The following PCDH15 variants were observed in gnomAD, a reference collection of about 807,000 sequenced individuals.
PCDH15 encodes protocadherin related 15.
PCDH15 carries 129 observed loss-of-function variants against 178.5 expected under a neutral mutation model. The observed-to-expected ratio is 0.72, with a 90% CI of 0.63 to 0.84. The LOEUF is 0.84. Among genes scored for constraint, PCDH15 ranks in the 40% least tolerant of loss-of-function variants. PCDH15 has a pLI of 0.00. For missense variants in PCDH15, 2,230 were observed against 2,099.9 expected (o/e 1.06, Z -1.21); for synonymous variants, 800 against 732.0 (o/e 1.09, Z -1.50).
In PCDH15 at chr10:53,840,486, G is replaced by T. The variant is rs111033363; in HGVS notation, c.3817C>A (p.Arg1273Ser). 7.3e-4 allele frequency: 1,184 copies of T among 1,613,560 alleles called. 1 individual carries two copies. Among genetic ancestry groups the T allele is most frequent in the Non-Finnish European group, 8.6e-4 (1,017 of 1,179,574 alleles). The change falls in exon 29 of 38, where the codon CGC (arginine) becomes AGC (serine). Residue 1273 changes from arginine to serine, a missense_variant. By Grantham distance (110) the Arg-to-Ser change is moderately radical. Coordinates refer to ENST00000644397, the MANE Select transcript of PCDH15 (RefSeq NM_001384140.1). ...CCAGGAATTTGTTCCTGAACATAGCGATCCAAGATCCTATAAATCAAACAA... is the reference window on the plus strand; with the variant it reads ...CCAGGAATTTGTTCCTGAACATAGCTATCCAAGATCCTATAAATCAAACAA... ...KIEDLTEILDRYVQEQIPGAK... is the reference protein window; with the variant it reads ...KIEDLTEILDSYVQEQIPGAK...
chr10:55,386,910 T>A (rs770189491), intron 2 of PCDH15, among the ~76,000 whole-genome samples: 9 of 152,116 alleles, frequency 5.9e-5, no homozygotes, highest in Non-Finnish European at 1.3e-4. Context: ...CAAATCAGTA[T>A]AATTTTTATT....
intron 2 of PCDH15, among the ~76,000 whole-genome samples, chr10:55,334,907 A>G (rs1844339846): frequency 6.6e-6 from 1 of 152,236 alleles, no homozygotes; most frequent in African/African-American, 2.4e-5. Flanking sequence ...TTATTAGATT[A>G]TACCTCCTCA....
chr10:54,408,319 G>A (rs1303654236), intron 3 of PCDH15, among the ~76,000 whole-genome samples: 4 of 151,920 alleles, frequency 2.6e-5, no homozygotes. Context: ...CACATAATAT[G>A]TAAATATATG....
chr10:55,130,680 CGTGT>C (rs72055158), intron 2 of PCDH15, among the ~76,000 whole-genome samples: 10,763 of 146,196 alleles, frequency 0.074, 404 homozygotes, highest in African/African-American at 0.092. Context: ...CACACATACA[CGTGT>C]GTGTGTGTGT....
At position 54,592,670 on chromosome 10, in the gene PCDH15, C is replaced by T. The variant is rs183049526; in HGVS notation, c.92-64793G>A. ...CTGAAATGAAAACTAAAGCAAATAT[C>T]GATTCAAAATTATTTTATTTCCTTT... On this transcript the variant is annotated intron_variant, in intron 2 of 37. Coordinates refer to ENST00000644397, the MANE Select transcript of PCDH15 (RefSeq NM_001384140.1). Among the ~76,000 whole-genome samples, 13 of 152,154 alleles carry T rather than the reference C, an allele frequency of 8.5e-5. No homozygotes were observed. In the East Asian group the frequency reaches 2.5e-3, roughly 29 times the overall value.
At chr10:54,451,560 C>A (rs1280656734) in intron 3 of PCDH15, among the ~76,000 whole-genome samples, 2 of 151,852 alleles carry the variant, frequency 1.3e-5, no homozygotes, top group South Asian at 2.1e-4. Context: ...GTTAAGTTGA[C>A]CTTAAATAGA....
intron 2 of PCDH15, among the ~76,000 whole-genome samples, chr10:54,616,569 T>C (rs1313379940): frequency 6.6e-6 from 1 of 152,062 alleles, no homozygotes; most frequent in African/African-American, 2.4e-5. Context: ...GAATCAAATA[T>C]TTTTGGTTGG....
At chr10:54,194,650 CTCTATCTA>C (rs58429895) in intron 11 of PCDH15, among the ~76,000 whole-genome samples, 14,089 of 147,886 alleles carry the variant, frequency 0.095, 825 homozygotes, top group African/African-American at 0.17. Flanking sequence ...GTGTATATAT[CTCTATCTA>C]TCTATCTATC....
At chr10:55,526,103 G>A (rs2132170757) in intron 2 of PCDH15, among the ~76,000 whole-genome samples, 1 of 151,962 alleles carries the variant, frequency 6.6e-6, no homozygotes, top group Non-Finnish European at 1.5e-5. Flanking sequence ...ACTTAATGGT[G>A]TTACTAAATT....
chr10:55,226,566 G>C lies in PCDH15; in HGVS notation c.-155-59915C>G, dbSNP rs541960475. On this transcript the variant is annotated intron_variant, in intron 1 of 5. Transcript: ENST00000458638. ...TCGGCTAATTTTTAGATTTTTAGTA[G>C]ACACGGGGTTTCATCATGTTGGCCA... Among the ~76,000 whole-genome samples the C allele has an allele frequency of 4.4e-4, 67 of 151,938 alleles. 4 individuals carry two copies. Among genetic ancestry groups the C allele is most frequent in the African/African-American group, 1.6e-3 (66 of 41,356 alleles).
chr10:54,338,346 C>T (rs1941592389), intron 6 of PCDH15, among the ~76,000 whole-genome samples: 1 of 152,114 alleles, frequency 6.6e-6, no homozygotes, highest in Admixed American at 6.5e-5. Context: ...AGTAACCTAC[C>T]TAGGAATAAG....
chr10:55,604,818 A>T (rs1331575454), intron 2 of PCDH15, among the ~76,000 whole-genome samples: 1 of 132,840 alleles, frequency 7.5e-6, no homozygotes, highest in African/African-American at 2.9e-5. Flanking sequence ...TGACACCCTA[A>T]CATCACAATT....
intron 25 of PCDH15, among the ~76,000 whole-genome samples, chr10:53,919,357 G>A (rs1037890399): frequency 2.6e-5 from 4 of 152,112 alleles, no homozygotes; most frequent in African/African-American, 9.7e-5. Flanking sequence ...ACAAATTTAG[G>A]AAAAACAAAA....
intron 2 of PCDH15, among the ~76,000 whole-genome samples, chr10:55,437,964 G>A (rs1565139039): frequency 6.7e-6 from 1 of 150,312 alleles, no homozygotes; most frequent in Non-Finnish European, 1.5e-5. Context: ...CAGCCTCCCG[G>A]GTACCTAGAT....
chr10:54,185,882 A>AT (rs1325083074), intron 11 of PCDH15, among the ~76,000 whole-genome samples: 3 of 152,076 alleles, frequency 2.0e-5, no homozygotes, highest in Non-Finnish European at 2.9e-5. Flanking sequence ...TTTGATTTAA[A>AT]ATATGCATAA....
intron 5 of PCDH15, among the ~76,000 whole-genome samples, chr10:54,356,835 G>A (rs1024081489): frequency 2.0e-5 from 3 of 152,188 alleles, no homozygotes; most frequent in East Asian, 1.9e-4. Flanking sequence ...ATTCATCCCC[G>A]GGATGCAAGG....
intron 31 of PCDH15, among the ~76,000 whole-genome samples, chr10:53,828,207 C>CAAAAAAAAAAAAAAAAAA (rs71004480): frequency 1.9e-4 from 10 of 53,774 alleles, no homozygotes; most frequent in African/African-American, 7.2e-4. Flanking sequence ...AAGTCCGTCT[C>CAAAAAAAAAAAAAAAAAA]AAAAAAAAAA....
chr10:55,295,148 A>G (rs1843100199), intron 1 of PCDH15, among the ~76,000 whole-genome samples: 2 of 152,186 alleles, frequency 1.3e-5, no homozygotes, highest in South Asian at 4.1e-4. Context: ...TATTGTATCT[A>G]ATTTCTAACA....
At chr10:54,332,138 G>A (rs1032368573) in intron 6 of PCDH15, among the ~76,000 whole-genome samples, 3 of 147,466 alleles carry the variant, frequency 2.0e-5, no homozygotes, top group Non-Finnish European at 4.5e-5. Flanking sequence ...GAGTTGCTGA[G>A]CAAATCTTGA....
Sources: gnomAD v4.1 joint callset for allele counts (sites outside exome capture counted in the v4.1 genomes callset) on GRCh38, gnomAD v4.1.1 for gene constraint, MANE v1.5 for transcripts, NCBI Gene and HGNC (gene_info 2026-07-23, HGNC 2026-07-21) for gene names.